The following SEMA3C variants were observed in gnomAD, a reference collection of about 807,000 sequenced individuals.
The protein encoded by SEMA3C is semaphorin-3C.
A neutral mutation model predicts 89.4 loss-of-function variants in SEMA3C; 47 were observed. The observed-to-expected ratio is 0.53, with a 90% CI of 0.42 to 0.67. SEMA3C has a LOEUF of 0.67. Ranked by LOEUF, SEMA3C falls within the 30% of genes least tolerant of loss-of-function variation. The pLI, the probability that SEMA3C is intolerant of heterozygous loss-of-function variation, is 0.00. For synonymous variants in SEMA3C, 310 were observed against 320.2 expected (o/e 0.97, Z 0.34); for missense variants, 839 against 929.1 (o/e 0.90, Z 1.26).
intron 6 of SEMA3C, among the ~76,000 whole-genome samples, chr7:80,806,477 C>T (rs1401233442): frequency 6.6e-6 from 1 of 152,002 alleles, no homozygotes; most frequent in Non-Finnish European, 1.5e-5. Flanking sequence ...AAACAAAGTG[C>T]TACTTTTTCA....
rs1788877479 is a variant in SEMA3C at position 80,789,295 on chromosome 7, C to G, written c.1354+11G>C. 1 of 1,607,470 alleles carries G rather than the reference C, an allele frequency of 6.2e-7. No homozygotes were observed. Among genetic ancestry groups the G allele is most frequent in the East Asian group, 2.2e-5 (1 of 44,850 alleles). ...TACACATTAAAGCATATCTTGGGCT[C>G]AAATATTTACCTGTTCCGAGAAACA... On this transcript the variant is annotated intron_variant, in intron 12 of 17. Coordinates refer to ENST00000265361, the MANE Select transcript of SEMA3C (RefSeq NM_006379.5).
intron 12 of SEMA3C, among the ~76,000 whole-genome samples, chr7:80,767,631 ATTC>A (rs1455265859): frequency 1.3e-5 from 2 of 152,216 alleles, no homozygotes; most frequent in Non-Finnish European, 2.9e-5. Context: ...ATATCAAGTT[ATTC>A]TTCTTTTAAA....
chr7:80,754,632 G>A (rs1246887137), intron 15 of SEMA3C, among the ~76,000 whole-genome samples: 5 of 152,148 alleles, frequency 3.3e-5, no homozygotes, highest in East Asian at 1.9e-4. Flanking sequence ...TGTAAATACC[G>A]TAGATATTTT....
intron 11 of SEMA3C, among the ~76,000 whole-genome samples, chr7:80,792,124 T>C (rs1289814484): frequency 6.6e-6 from 1 of 152,190 alleles, no homozygotes; most frequent in Non-Finnish European, 1.5e-5. Flanking sequence ...TATGTTTTTA[T>C]TTTTTAAAAA....
chr7:80,791,986 T>C (rs1481112718), intron 11 of SEMA3C, among the ~76,000 whole-genome samples: 2 of 152,214 alleles, frequency 1.3e-5, no homozygotes, highest in African/African-American at 4.8e-5. Context: ...CTGATAAATA[T>C]AGTTCCCTTT....
chr7:80,772,012 C>T (rs1788445247), intron 12 of SEMA3C, among the ~76,000 whole-genome samples: 1 of 152,180 alleles, frequency 6.6e-6, no homozygotes, highest in Non-Finnish European at 1.5e-5. Context: ...TACTAAAAGG[C>T]ATCTCTTCCT....
intron 2 of SEMA3C, among the ~76,000 whole-genome samples, chr7:80,915,241 A>G (rs1014827750): frequency 2.6e-4 from 40 of 152,316 alleles, no homozygotes; most frequent in African/African-American, 7.2e-4. Context: ...GCTAAAAAGG[A>G]TACCTCAAAG....
At chr7:80,919,244 G>A (rs544735987), upstream of SEMA3C, 5 of 985,214 alleles carry the variant, frequency 5.1e-6, no homozygotes, top group African/African-American at 8.7e-5. Flanking sequence ...GGAGCCGCGG[G>A]GGCGGACCGG....
At chr7:80,797,756 T>C (rs1402848709) in intron 11 of SEMA3C, among the ~76,000 whole-genome samples, 1 of 152,084 alleles carries the variant, frequency 6.6e-6, no homozygotes, top group Non-Finnish European at 1.5e-5. Context: ...TCCAAGCACT[T>C]TGGGAGGCCA....
At chr7:80,844,391 C>T (rs1460020112) in intron 2 of SEMA3C, among the ~76,000 whole-genome samples, 4 of 152,008 alleles carry the variant, frequency 2.6e-5, no homozygotes. Flanking sequence ...TAACATTTAT[C>T]CTCATTACAG....
chr7:80,867,571 A>G (rs1016852235), intron 2 of SEMA3C, among the ~76,000 whole-genome samples: 7 of 152,168 alleles, frequency 4.6e-5, no homozygotes, highest in Non-Finnish European at 8.8e-5. Flanking sequence ...CTTGTCCTAG[A>G]TGCTCAGTGA....
chr7:80,878,974 A>C (rs1039817774), intron 2 of SEMA3C, among the ~76,000 whole-genome samples: 2 of 152,218 alleles, frequency 1.3e-5, no homozygotes, highest in Non-Finnish European at 2.9e-5. Flanking sequence ...GGCCCATGTC[A>C]AATGTTACAC....
rs867415460 is a variant in SEMA3C, at chr7:80,863,904, C to T, written c.104-35159G>A. On this transcript the variant is annotated intron_variant, in intron 2 of 17. Coordinates refer to ENST00000265361, the MANE Select transcript of SEMA3C (RefSeq NM_006379.5). ...TCACATATATATCACACATATATTA[C>T]ATATATATCACATATATATCATATA... is the stretch of plus-strand genomic sequence containing the variant. Among the ~76,000 whole-genome samples the T allele has an allele frequency of 2.8e-4, 32 of 112,478 alleles. 2 individuals are homozygous for T. The highest frequency in any genetic ancestry group is 1.3e-3 in the African/African-American group (27 of 20,402). The allele number at this position is 112,478 out of a possible 152,430, so 73.8% of individuals were successfully genotyped here.
At chr7:80,867,174 T>G (rs761804701) in intron 2 of SEMA3C, among the ~76,000 whole-genome samples, 42 of 152,256 alleles carry the variant, frequency 2.8e-4, no homozygotes, top group Non-Finnish European at 5.4e-4. Flanking sequence ...AAAAAGACTT[T>G]ATAATAATCA....
At chr7:80,762,133 A>G (rs1390433797) in intron 13 of SEMA3C, among the ~76,000 whole-genome samples, 1 of 151,724 alleles carries the variant, frequency 6.6e-6, no homozygotes, top group Non-Finnish European at 1.5e-5. Context: ...ATTAAAACAC[A>G]TGTATCAATA....
intron 15 of SEMA3C, among the ~76,000 whole-genome samples, chr7:80,757,966 A>C (rs1336535591): frequency 6.6e-6 from 1 of 152,182 alleles, no homozygotes; most frequent in African/African-American, 2.4e-5. Flanking sequence ...ACTTCATCTC[A>C]AAAATAAATA....
intron 2 of SEMA3C, among the ~76,000 whole-genome samples, chr7:80,900,619 C>T (rs1791855662): frequency 1.3e-5 from 2 of 152,188 alleles, no homozygotes; most frequent in African/African-American, 2.4e-5. Context: ...ATGCAGTCAG[C>T]TCCTGAGCCT....
intron 6 of SEMA3C, among the ~76,000 whole-genome samples, chr7:80,810,070 T>C (rs1789431902): frequency 6.6e-6 from 1 of 152,124 alleles, no homozygotes; most frequent in Non-Finnish European, 1.5e-5. Context: ...TATTTCCGAA[T>C]TGCTTAAAAA....
intron 2 of SEMA3C, among the ~76,000 whole-genome samples, chr7:80,901,149 T>C (rs1305201307): frequency 6.6e-6 from 1 of 152,188 alleles, no homozygotes; most frequent in Non-Finnish European, 1.5e-5. Context: ...ACATAAAGAT[T>C]ATAACAAAGT....
Sources: allele counts gnomAD v4.1 joint callset (sites outside exome capture counted in the v4.1 genomes callset), GRCh38; gene constraint gnomAD v4.1.1; transcripts MANE v1.5; gene names NCBI Gene and HGNC (gene_info 2026-07-23, HGNC 2026-07-21).